The following PTPN1 variants were observed in gnomAD, a reference collection of about 807,000 sequenced individuals.
PTPN1 encodes the protein tyrosine-protein phosphatase non-receptor type 1.
A neutral mutation model predicts 59.9 loss-of-function variants in PTPN1; 12 were observed. That is an observed-to-expected ratio of 0.20 (90% CI 0.13 to 0.32). The LOEUF is 0.32. Among genes scored for constraint, PTPN1 ranks in the 10% least tolerant of loss-of-function variants. PTPN1 has a pLI of 1.00. For missense variants in PTPN1, 356 were observed against 549.2 expected (o/e 0.65, Z 3.52); for synonymous variants, 178 against 203.6 (o/e 0.87, Z 1.07).
intron 1 of PTPN1, among the ~76,000 whole-genome samples, chr20:50,538,064 A>G (rs2082631947): frequency 6.6e-6 from 1 of 152,172 alleles, no homozygotes; most frequent in Non-Finnish European, 1.5e-5. Flanking sequence ...CTGGGGAACA[A>G]ATAACCGAAA....
At chr20:50,556,930 C>G (rs2082728490) in intron 1 of PTPN1, among the ~76,000 whole-genome samples, 1 of 152,198 alleles carries the variant, frequency 6.6e-6, no homozygotes, top group Admixed American at 6.5e-5. Context: ...TCCACAAGAT[C>G]AGTGAGTGCT....
chr20:50,564,455 ATGG>A (rs2082769290), intron 2 of PTPN1, among the ~76,000 whole-genome samples: 1 of 152,098 alleles, frequency 6.6e-6, no homozygotes, highest in Admixed American at 6.5e-5. Flanking sequence ...TTAGGTGAGC[ATGG>A]TGGCCTGCGC....
chr20:50,579,165 C>T lies in PTPN1; in HGVS notation c.703-3C>T. On this transcript the variant is annotated splice_polypyrimidine_tract_variant and splice_region_variant and intron_variant, in intron 6 of 9. Transcript: ENST00000371621. ...TGACTTATATCTCCTCTCTGGCTTT[C>T]AGATGGACAAGAGGAAAGACCCTTC... 1 of 1,614,046 alleles carries T rather than the reference C, an allele frequency of 6.2e-7. No individual in the cohort carries two copies. Among genetic ancestry groups the T allele is most frequent in the Non-Finnish European group, 8.5e-7 (1 of 1,179,932 alleles).
At position 50,524,337 on chromosome 20, in the gene PTPN1, C is replaced by G. The variant is rs546079166; in HGVS notation, c.63+13747C>G. The stretch of plus-strand genomic sequence containing the variant: ...TTGAAGTGAAGTGATAACTTTTATC[C>G]AAGTATGTATGCAGATAATCTTTGA... On this transcript the variant is annotated intron_variant, in intron 1 of 9. Coordinates refer to ENST00000371621, the MANE Select transcript of PTPN1 (RefSeq NM_002827.4). 9.2e-5 allele frequency among the ~76,000 whole-genome samples: 14 copies of G among 151,926 alleles called. No homozygotes were observed. In the East Asian group the frequency reaches 2.1e-3, roughly 23 times the overall value.
chr20:50,524,637 C>G (rs548835166), intron 1 of PTPN1, among the ~76,000 whole-genome samples: 1 of 124,714 alleles, frequency 8.0e-6, no homozygotes, highest in African/African-American at 3.2e-5. Context: ...AGTGCAGTGG[C>G]GCAATCTCGA....
intron 1 of PTPN1, among the ~76,000 whole-genome samples, chr20:50,514,972 C>A (rs2082522738): frequency 6.6e-6 from 1 of 152,170 alleles, no homozygotes; most frequent in Non-Finnish European, 1.5e-5. Flanking sequence ...CACTAGTAGT[C>A]TAGGTTCTCA....
At chr20:50,512,823 A>G (rs1439330652) in intron 1 of PTPN1, among the ~76,000 whole-genome samples, 1 of 152,184 alleles carries the variant, frequency 6.6e-6, no homozygotes, top group Non-Finnish European at 1.5e-5. Context: ...CAAAACCATT[A>G]TTTTTCAAGG....
chr20:50,581,745 C>G (rs1458127901), intron 9 of PTPN1, among the ~76,000 whole-genome samples: 1 of 150,022 alleles, frequency 6.7e-6, no homozygotes, highest in Admixed American at 6.6e-5. Context: ...GTCTGTTTCT[C>G]TCTCTCTTTT....
At chr20:50,570,242 T>C (rs918954051) in intron 4 of PTPN1, among the ~76,000 whole-genome samples, 2 of 152,236 alleles carry the variant, frequency 1.3e-5, no homozygotes, top group African/African-American at 4.8e-5. Flanking sequence ...CGGCTTTAGT[T>C]ACTCGCAGAA....
At chr20:50,540,263 G>T (rs1299448374) in intron 1 of PTPN1, among the ~76,000 whole-genome samples, 3 of 152,116 alleles carry the variant, frequency 2.0e-5, no homozygotes, top group Non-Finnish European at 4.4e-5. Context: ...CTCCATGTTG[G>T]TCAGGCTGGT....
chr20:50,548,125 C>T (rs944124387), intron 1 of PTPN1, among the ~76,000 whole-genome samples: 1 of 152,202 alleles, frequency 6.6e-6, no homozygotes, highest in Non-Finnish European at 1.5e-5. Context: ...ATCTGTCCCC[C>T]TTGCCTCTGA....
chr20:50,526,687 G>T (rs780322541), intron 1 of PTPN1, among the ~76,000 whole-genome samples: 2 of 152,028 alleles, frequency 1.3e-5, no homozygotes, highest in African/African-American at 2.4e-5. Context: ...TCTAGTTTGG[G>T]TTTTCTCCTT....
intron 1 of PTPN1, among the ~76,000 whole-genome samples, chr20:50,530,780 ACC>A (rs1040319270): frequency 2.0e-5 from 3 of 149,198 alleles, no homozygotes; most frequent in African/African-American, 7.5e-5. Flanking sequence ...GGCAGCCTTA[ACC>A]TCCTGGGCTC....
chr20:50,515,035 T>C (rs2082523002), intron 1 of PTPN1, among the ~76,000 whole-genome samples: 1 of 152,198 alleles, frequency 6.6e-6, no homozygotes, highest in Non-Finnish European at 1.5e-5. Flanking sequence ...CAGAAATGAG[T>C]GAAGCCGGTT....
intron 1 of PTPN1, among the ~76,000 whole-genome samples, chr20:50,551,721 C>T (rs2082702934): frequency 6.6e-6 from 1 of 152,168 alleles, no homozygotes. Flanking sequence ...ATACTATTTC[C>T]CATTGGTAAA....
intron 1 of PTPN1, among the ~76,000 whole-genome samples, chr20:50,528,216 C>T (rs1431100428): frequency 6.6e-6 from 1 of 152,154 alleles, no homozygotes; most frequent in African/African-American, 2.4e-5. Context: ...AGTTAACTGC[C>T]TTGTCTAGGT....
At position 50,554,553 on chromosome 20, in the gene PTPN1, G is replaced by A. The variant is rs186478012; in HGVS notation, c.64-6810G>A. On this transcript the variant is annotated intron_variant, in intron 1 of 9. Transcript: ENST00000371621. Reference sequence around the variant, plus strand: ...AATTTGGATATATACTAAAGAATGAGGATTGCTAAAAGTGACATACATAGA... The same window carrying A: ...AATTTGGATATATACTAAAGAATGAAGATTGCTAAAAGTGACATACATAGA... Among the ~76,000 whole-genome samples the A allele has an allele frequency of 3.4e-4, 52 of 151,872 alleles. No homozygotes were observed. The South Asian group carries it at 9.3e-3, about 27-fold the overall frequency.
intron 1 of PTPN1, among the ~76,000 whole-genome samples, chr20:50,546,855 T>C (rs1329865252): frequency 6.6e-6 from 1 of 152,240 alleles, no homozygotes; most frequent in Non-Finnish European, 1.5e-5. Flanking sequence ...CACTTGCAGA[T>C]GTCTGCCAAC....
chr20:50,551,722 C>T (rs1283165500), intron 1 of PTPN1, among the ~76,000 whole-genome samples: 1 of 152,144 alleles, frequency 6.6e-6, no homozygotes, highest in Non-Finnish European at 1.5e-5. Context: ...TACTATTTCC[C>T]ATTGGTAAAA....
Sources: allele counts gnomAD v4.1 joint callset (sites outside exome capture counted in the v4.1 genomes callset), GRCh38; gene constraint gnomAD v4.1.1; transcripts MANE v1.5; gene names NCBI Gene and HGNC (gene_info 2026-07-23, HGNC 2026-07-21).